The following NCOA2 variants were observed in gnomAD, a reference collection of about 807,000 sequenced individuals.
The protein encoded by NCOA2 is nuclear receptor coactivator 2.
Under a neutral mutation model 145.1 loss-of-function variants are expected in NCOA2, and 21 were observed. The ratio of observed to expected loss-of-function variants is 0.14; its 90% confidence interval spans 0.10 to 0.21. The LOEUF is 0.21. Among genes scored for constraint, NCOA2 ranks in the 10% least tolerant of loss-of-function variants. NCOA2 has a pLI of 1.00. For missense variants in NCOA2, 1,472 were observed against 1,837.6 expected (o/e 0.80, Z 3.64); for synonymous variants, 619 against 637.5 (o/e 0.97, Z 0.44).
rs1167447124 is a variant in NCOA2, at chr8:70,112,230, G to A, written c.*1402C>T. On this transcript the variant is annotated 3_prime_UTR_variant, in exon 23 of 23. Coordinates refer to ENST00000452400, the MANE Select transcript of NCOA2 (RefSeq NM_006540.4). ...AAGTCTACAAATTAGGTCTAATCAA[G>A]GCATTGATATCCTTTACAAAACACC... is the stretch of plus-strand genomic sequence containing the variant. The A allele has an allele frequency of 4.9e-6, 1 of 202,076 alleles. No individual in the cohort carries two copies. Among genetic ancestry groups the A allele is most frequent in the Non-Finnish European group, 1.0e-5 (1 of 98,106 alleles). The allele number at this position is 202,076 out of a possible 1,614,324, so 12.5% of individuals were successfully genotyped here.
At chr8:70,257,387 G>A (rs1292952963) in intron 2 of NCOA2, among the ~76,000 whole-genome samples, 1 of 152,136 alleles carries the variant, frequency 6.6e-6, no homozygotes, top group East Asian at 1.9e-4. Context: ...CACTGTTCTA[G>A]GCACTGCATA....
the NCOA2 span, among the ~76,000 whole-genome samples, chr8:70,416,469 A>C: frequency 6.6e-6 from 1 of 152,194 alleles, no homozygotes; most frequent in Non-Finnish European, 1.5e-5. Flanking sequence ...AACATGATAC[A>C]ACTATCTTGT....
chr8:70,362,248 A>G (rs1303444720), intron 1 of NCOA2, among the ~76,000 whole-genome samples: 2 of 152,234 alleles, frequency 1.3e-5, no homozygotes, highest in African/African-American at 4.8e-5. Flanking sequence ...AAAAAGGATA[A>G]TCAAAACCAT....
chr8:70,259,256 C>T (rs1823909870), intron 2 of NCOA2, among the ~76,000 whole-genome samples: 2 of 152,096 alleles, frequency 1.3e-5, no homozygotes, highest in Admixed American at 1.3e-4. Context: ...GCTGACAGAG[C>T]CTTTTGGTCA....
At chr8:70,439,423 C>T in the NCOA2 span, among the ~76,000 whole-genome samples, 1 of 152,178 alleles carries the variant, frequency 6.6e-6, no homozygotes, top group Non-Finnish European at 1.5e-5. Context: ...GCTGAGTCTT[C>T]TAAGCGATTT....
intron 4 of NCOA2, among the ~76,000 whole-genome samples, chr8:70,196,165 C>T (rs1817287016): frequency 6.6e-6 from 1 of 152,132 alleles, no homozygotes; most frequent in Non-Finnish European, 1.5e-5. Context: ...ATCACGAGGT[C>T]AGGAGTTCGA....
At chr8:70,266,265 T>A (rs1824580499) in intron 2 of NCOA2, among the ~76,000 whole-genome samples, 2 of 152,342 alleles carry the variant, frequency 1.3e-5, no homozygotes, top group African/African-American at 4.8e-5. Flanking sequence ...TGGGCTCAAG[T>A]GATCCTCCTA....
At chr8:70,290,769 A>G (rs1826616264) in intron 2 of NCOA2, among the ~76,000 whole-genome samples, 1 of 152,140 alleles carries the variant, frequency 6.6e-6, no homozygotes, top group African/African-American at 2.4e-5. Context: ...TTGTATCTAG[A>G]TGTTATAAAT....
chr8:70,283,364 G>C (rs1826021591), intron 2 of NCOA2, among the ~76,000 whole-genome samples: 1 of 152,200 alleles, frequency 6.6e-6, no homozygotes, highest in Admixed American at 6.5e-5. Context: ...GGTCATTGAT[G>C]AGTTTTTAAG....
chr8:70,352,898 C>T (rs1809365519), intron 1 of NCOA2, among the ~76,000 whole-genome samples: 1 of 152,098 alleles, frequency 6.6e-6, no homozygotes, highest in Non-Finnish European at 1.5e-5. Flanking sequence ...TTCAATCTGG[C>T]CATCCTGGCA....
chr8:70,417,245 T>TCAAAAAA, the NCOA2 span, among the ~76,000 whole-genome samples: 3 of 78,044 alleles, frequency 3.8e-5, 1 homozygote, highest in Admixed American at 4.2e-4. Context: ...TCGTCTCTAT[T>TCAAAAAA]AAAAAAAAAA....
chr8:70,279,702 A>G (rs1421372307), intron 2 of NCOA2, among the ~76,000 whole-genome samples: 2 of 152,200 alleles, frequency 1.3e-5, no homozygotes, highest in Non-Finnish European at 2.9e-5. Flanking sequence ...GTAATCCAAC[A>G]TGGACCAGTG....
At chr8:70,377,419 GTACAT>G (rs1407196913) in intron 1 of NCOA2, among the ~76,000 whole-genome samples, 3 of 151,796 alleles carry the variant, frequency 2.0e-5, no homozygotes, top group Admixed American at 6.6e-5. Flanking sequence ...TTAGTATTTA[GTACAT>G]TACATTTTTT....
chr8:70,163,327 C>T (rs1456244941), intron 8 of NCOA2, 138 bp downstream of exon 8: 10 of 644,760 alleles, frequency 1.6e-5, no homozygotes, highest in South Asian at 2.0e-5. Context: ...TCCGGTCCTC[C>T]AACTCCTTGA....
At chr8:70,446,583 T>C in the NCOA2 span, among the ~76,000 whole-genome samples, 64 of 152,332 alleles carry the variant, frequency 4.2e-4, no homozygotes, top group Admixed American at 7.2e-4. Context: ...TGTTTTTGTT[T>C]TCATCCCTAA....
chr8:70,156,338 C>T lies in NCOA2; in HGVS notation c.2027G>A (p.Gly676Glu), dbSNP rs887586419. 5 of 1,613,634 alleles carry T rather than the reference C, an allele frequency of 3.1e-6. No individual in the cohort carries two copies. Among genetic ancestry groups the T allele is most frequent in the Non-Finnish European group, 4.2e-6 (5 of 1,179,834 alleles). The change falls in exon 11 of 23, where the codon GGG becomes GAG. Residue 676 changes from glycine (G) to glutamate (E), a missense_variant. By Grantham distance (98) the Gly-to-Glu change is moderately conservative. This residue lies in a region of NCOA2 where 953 missense variants were observed against 1,062.1 expected (regional missense o/e 0.90). Coordinates refer to ENST00000452400, the MANE Select transcript of NCOA2 (RefSeq NM_006540.4). ...KDSTGSLPGS[G>E]STHGTSLKEK... ...CTTGAGCGAGGTTCCATGTGTAGAC[C>T]CAGAACCAGGCAAGCTACCTGTGGA...
rs115808796 is a variant in NCOA2 at position 70,115,298 on chromosome 8, C to T, written c.4384-1655G>A. The stretch of plus-strand genomic sequence containing the variant: ...CCCGGAGAAGTATTTATACCTATTG[C>T]GTTTCTGAGGCTTAGAAACTTTGTA... On this transcript the variant is annotated intron_variant, in intron 22 of 22. Coordinates refer to ENST00000452400, the MANE Select transcript of NCOA2 (RefSeq NM_006540.4). Among the ~76,000 whole-genome samples, 1,185 of 152,220 alleles carry T rather than the reference C, an allele frequency of 7.8e-3. 15 individuals carry two copies. Among genetic ancestry groups the T allele is most frequent in the African/African-American group, 0.025 (1,056 of 41,500 alleles).
chr8:70,129,513 G>A (rs528565174), intron 16 of NCOA2, among the ~76,000 whole-genome samples: 2 of 152,210 alleles, frequency 1.3e-5, no homozygotes, highest in East Asian at 3.9e-4. Context: ...TACATGGTGG[G>A]GTCCAATTCA....
At position 70,162,716 on chromosome 8, in the gene NCOA2, T is replaced by C. The variant is rs1813168066; in HGVS notation, c.971A>G (p.His324Arg). ...AATCATTTAGAGATGCTTACCTTCA[T>C]GATGATGCCTCTTAGCATAGGACAC... ...ESVSYAKRHH[H>R]EVLRQGLAFS... The change falls in exon 9 of 23, where the codon CAT becomes CGT. Residue 324 changes from histidine to arginine, a missense_variant. By Grantham distance (29) the His-to-Arg change is conservative. This residue lies in a region of NCOA2 where 284 missense variants were observed against 467.8 expected (regional missense o/e 0.61). Coordinates refer to ENST00000452400, the MANE Select transcript of NCOA2 (RefSeq NM_006540.4). The C allele has an allele frequency of 1.2e-6, 2 of 1,607,142 alleles. No homozygotes were observed. Among genetic ancestry groups the C allele is most frequent in the East Asian group, 2.2e-5 (1 of 44,796 alleles).
Sources: gnomAD v4.1 joint callset for allele counts (sites outside exome capture counted in the v4.1 genomes callset) on GRCh38, gnomAD v4.1.1 for gene constraint, gnomAD v4.1.1 regional missense constraint, MANE v1.5 for transcripts, NCBI Gene and HGNC (gene_info 2026-07-23, HGNC 2026-07-21) for gene names.